The following HECW1 variants were observed in gnomAD, a reference collection of about 807,000 sequenced individuals.
The protein encoded by HECW1 is E3 ubiquitin-protein ligase HECW1.
Under a neutral mutation model 182.3 loss-of-function variants are expected in HECW1, and 61 were observed. The ratio of observed to expected loss-of-function variants is 0.33; its 90% CI spans 0.27 to 0.41. The LOEUF (loss-of-function observed/expected upper bound fraction) is 0.41, where lower values mean the gene tolerates loss of function less well. HECW1 is among the 10% of genes least tolerant of loss of function. The pLI is 1.00. For synonymous variants in HECW1, 859 were observed against 832.6 expected (o/e 1.03, Z -0.55); for missense variants, 1,739 against 2,108.9 (o/e 0.82, Z 3.44).
intron 26 of HECW1, among the ~76,000 whole-genome samples, chr7:43,548,244 C>CT (rs34462638): frequency 0.33 from 50,476 of 151,222 alleles, 8,412 homozygotes; most frequent in Middle Eastern, 0.42. Flanking sequence ...ACATTTCTAA[C>CT]TTTTTTTTTC....
intron 8 of HECW1, among the ~76,000 whole-genome samples, chr7:43,427,252 C>T (rs1021815198): frequency 6.6e-6 from 1 of 152,168 alleles, no homozygotes. Context: ...ATACTACACA[C>T]ACAACACACA....
intron 2 of HECW1, among the ~76,000 whole-genome samples, chr7:43,125,494 C>T (rs558595154): frequency 1.3e-5 from 2 of 151,906 alleles, no homozygotes; most frequent in African/African-American, 4.8e-5. Context: ...TGGTGGCTCA[C>T]GCCTGTAATC....
intron 24 of HECW1, among the ~76,000 whole-genome samples, chr7:43,529,477 T>G (rs374084430): frequency 1.4e-4 from 21 of 152,216 alleles, no homozygotes; most frequent in African/African-American, 4.8e-4. Flanking sequence ...TAAATCACAC[T>G]CCCTGACCTC....
rs191883197 is a variant in HECW1 at position 43,505,074 on chromosome 7, G to A, written c.3632-2063G>A. On this transcript the variant is annotated intron_variant, in intron 21 of 29. Transcript: ENST00000395891. ...CTCATCTACTTCCCTGGCCATTCCC[G>A]CAGCCTCATCCTCCCCTTCTATCAT... 5.7e-4 allele frequency among the ~76,000 whole-genome samples: 86 copies of A among 152,110 alleles called. No homozygotes were observed. The East Asian group carries it at 0.016, about 28-fold the overall frequency.
intron 2 of HECW1, among the ~76,000 whole-genome samples, chr7:43,142,688 T>C (rs1382492892): frequency 6.6e-6 from 1 of 152,234 alleles, no homozygotes; most frequent in Non-Finnish European, 1.5e-5. Context: ...GTTTTACCTC[T>C]GGAATTTGAC....
chr7:43,158,471 A>T (rs1169580194), intron 2 of HECW1, among the ~76,000 whole-genome samples: 1 of 152,222 alleles, frequency 6.6e-6, no homozygotes, highest in Non-Finnish European at 1.5e-5. Flanking sequence ...TTTGGCATAT[A>T]TCCTACAAGC....
chr7:43,378,388 G>A (rs888929745), intron 6 of HECW1, among the ~76,000 whole-genome samples: 20 of 152,368 alleles, frequency 1.3e-4, no homozygotes, highest in African/African-American at 4.8e-4. Context: ...TCAGAGAGCA[G>A]CCTGTAACAA....
At chr7:43,298,288 C>A (rs1247656867) in intron 3 of HECW1, among the ~76,000 whole-genome samples, 6 of 152,168 alleles carry the variant, frequency 3.9e-5, no homozygotes, top group Non-Finnish European at 8.8e-5. Flanking sequence ...TAAATTTTCA[C>A]GCGAATAAGT....
intron 3 of HECW1, among the ~76,000 whole-genome samples, chr7:43,300,164 C>T (rs1009949185): frequency 1.3e-5 from 2 of 152,250 alleles, no homozygotes; most frequent in African/African-American, 4.8e-5. Flanking sequence ...TATCCTAAAT[C>T]ACTACAGATA....
chr7:43,237,142 T>A (rs374744935), intron 2 of HECW1, among the ~76,000 whole-genome samples: 8 of 41,490 alleles, frequency 1.9e-4, no homozygotes, highest in Non-Finnish European at 3.6e-4. Context: ...AGGAAGGAAG[T>A]AGGTAGGTAG....
intron 6 of HECW1, among the ~76,000 whole-genome samples, chr7:43,385,411 G>A (rs1438425482): frequency 6.7e-6 from 1 of 149,506 alleles, no homozygotes; most frequent in East Asian, 2.0e-4. Flanking sequence ...CTCTAATTTT[G>A]TGATTCACAT....
In HECW1 at chr7:43,114,154, A is replaced by C; in HGVS notation, c.-266-3A>C. 1 of 993,676 alleles carries C rather than the reference A, an allele frequency of 1.0e-6. No homozygotes were observed. The highest frequency in any genetic ancestry group is 3.3e-5 in the Admixed American group (1 of 30,300). 61.6% of individuals were successfully genotyped at this position (993,676 alleles called of 1,614,324 possible). On this transcript the variant is annotated splice_region_variant and splice_polypyrimidine_tract_variant and intron_variant, in intron 1 of 29. Coordinates refer to ENST00000395891, the MANE Select transcript of HECW1 (RefSeq NM_015052.5). ...CTTGTTTTCCCCCCTTCTCTTTGAA[A>C]AGATATCAATGCTATGTTCAGCAGA...
At chr7:43,274,601 G>A (rs938788564) in intron 3 of HECW1, 3 of 425,096 alleles carry the variant, frequency 7.1e-6, no homozygotes, top group African/African-American at 4.1e-5. Flanking sequence ...TCCTCGCCCC[G>A]GGTGTGCCCC....
intron 5 of HECW1, among the ~76,000 whole-genome samples, chr7:43,351,568 C>G (rs897751215): frequency 6.6e-6 from 1 of 152,018 alleles, no homozygotes; most frequent in Non-Finnish European, 1.5e-5. Context: ...GGTGAGATTC[C>G]CAGGAGTGAC....
chr7:43,423,029 ATCATTCACT>A (rs1484143509), intron 8 of HECW1, among the ~76,000 whole-genome samples: 2 of 152,216 alleles, frequency 1.3e-5, no homozygotes, highest in East Asian at 3.8e-4. Flanking sequence ...TTTAAGATAG[ATCATTCACT>A]TCAGTCCTGA....
At chr7:43,237,995 CCATCATATTGCTTTTTGTAAAAGGAAAAT>C (rs1231157017) in intron 2 of HECW1, among the ~76,000 whole-genome samples, 2 of 152,104 alleles carry the variant, frequency 1.3e-5, no homozygotes, top group Non-Finnish European at 2.9e-5. Context: ...TAATTCTGCC[CCATCATATTGCTTTTTGTAAAAGGAAAAT>C]GTTTTGATAG....
intron 17 of HECW1, among the ~76,000 whole-genome samples, chr7:43,481,280 T>C (rs897001722): frequency 3.9e-4 from 60 of 152,342 alleles, no homozygotes; most frequent in African/African-American, 1.4e-3. Context: ...CTTGAGATTA[T>C]AGGGAATAAA....
chr7:43,240,277 G>T (rs1798759337), intron 2 of HECW1, among the ~76,000 whole-genome samples: 1 of 152,148 alleles, frequency 6.6e-6, no homozygotes, highest in Non-Finnish European at 1.5e-5. Context: ...GGCGGAGCTT[G>T]CAGTGAGCCG....
chr7:43,438,219 T>A (rs1028204279), intron 9 of HECW1, 74 bp downstream of exon 9: 1 of 1,279,864 alleles, frequency 7.8e-7, no homozygotes, highest in Non-Finnish European at 1.1e-6. Context: ...GCCTGTAGGC[T>A]GCAATAGTAT....
Sources: gnomAD v4.1 joint callset for allele counts (sites outside exome capture counted in the v4.1 genomes callset) on GRCh38, gnomAD v4.1.1 for gene constraint, MANE v1.5 for transcripts, NCBI Gene and HGNC (gene_info 2026-07-23, HGNC 2026-07-21) for gene names.